Variants in CCDC91 observed in about 807,000 individuals in gnomAD.
CCDC91 encodes coiled-coil domain containing 91.
Under a neutral mutation model 63.2 loss-of-function variants are expected in CCDC91, and 48 were observed. That is an observed-to-expected ratio of 0.76 (90% CI 0.60 to 0.97). The LOEUF is 0.97. Ranked by LOEUF, CCDC91 falls within the 50% of genes least tolerant of loss-of-function variation. The pLI is 0.00. For synonymous variants in CCDC91, 167 were observed against 165.8 expected (o/e 1.01, Z -0.06); for missense variants, 500 against 494.6 (o/e 1.01, Z -0.10).
chr12:28,291,738 T>A (rs1052828228), intron 3 of CCDC91, among the ~76,000 whole-genome samples: 3 of 152,184 alleles, frequency 2.0e-5, no homozygotes, highest in Non-Finnish European at 4.4e-5. Flanking sequence ...AAAATGATGA[T>A]TTTTTTGATT....
At chr12:28,323,593 C>T (rs1415706791) in intron 6 of CCDC91, among the ~76,000 whole-genome samples, 4 of 151,922 alleles carry the variant, frequency 2.6e-5, no homozygotes, top group Admixed American at 6.6e-5. Context: ...TTGCCTGTTA[C>T]TCTTAACAGT....
intron 6 of CCDC91, among the ~76,000 whole-genome samples, chr12:28,355,798 T>C (rs1367234331): frequency 2.0e-5 from 3 of 152,150 alleles, no homozygotes; most frequent in Non-Finnish European, 4.4e-5. Context: ...GCAAAGCTGA[T>C]GGCTTTGGAA....
intron 3 of CCDC91, among the ~76,000 whole-genome samples, chr12:28,262,380 A>C (rs1321774490): frequency 1.3e-5 from 2 of 152,166 alleles, no homozygotes; most frequent in East Asian, 3.9e-4. Context: ...AAAAATCTTC[A>C]TTCTTGGGGT....
At chr12:28,509,712 G>A (rs538155656) in intron 12 of CCDC91, among the ~76,000 whole-genome samples, 29 of 151,926 alleles carry the variant, frequency 1.9e-4, no homozygotes, top group African/African-American at 6.5e-4. Context: ...GGTACTATTC[G>A]AATGAAAATA....
chr12:28,449,111 C>T (rs1780790818), intron 8 of CCDC91, among the ~76,000 whole-genome samples: 1 of 151,962 alleles, frequency 6.6e-6, no homozygotes, highest in African/African-American at 2.4e-5. Context: ...ATTTTACTTA[C>T]TCTCTTGAAA....
At chr12:28,428,080 C>G (rs1175837797) in intron 8 of CCDC91, among the ~76,000 whole-genome samples, 1 of 152,092 alleles carries the variant, frequency 6.6e-6, no homozygotes, top group Non-Finnish European at 1.5e-5. Flanking sequence ...TGTTATTTAT[C>G]AAGCAATCTG....
intron 1 of CCDC91, among the ~76,000 whole-genome samples, chr12:28,197,259 G>A (rs1385708145): frequency 1.3e-5 from 2 of 152,012 alleles, no homozygotes; most frequent in African/African-American, 4.8e-5. Flanking sequence ...CAGAAACAGA[G>A]TTCCTTAGAA....
At chr12:28,407,945 T>C in intron 8 of CCDC91, among the ~76,000 whole-genome samples, 1 of 31,472 alleles carries the variant, frequency 3.2e-5, no homozygotes, top group East Asian at 6.3e-3. Context: ...TATACATAGA[T>C]ATATACATAT....
chr12:28,223,934 C>T (rs1378327754), intron 1 of CCDC91, among the ~76,000 whole-genome samples: 1 of 152,058 alleles, frequency 6.6e-6, no homozygotes, highest in Non-Finnish European at 1.5e-5. Context: ...TGCAGTGTTT[C>T]CTTGGTAGTT....
At chr12:28,322,442 T>C (rs1466308004) in intron 6 of CCDC91, among the ~76,000 whole-genome samples, 1 of 151,960 alleles carries the variant, frequency 6.6e-6, no homozygotes, top group Non-Finnish European at 1.5e-5. Flanking sequence ...TTTTAATTTC[T>C]TGAAACCTTT....
intron 6 of CCDC91, among the ~76,000 whole-genome samples, chr12:28,359,287 A>G (rs1943722389): frequency 6.6e-6 from 1 of 152,236 alleles, no homozygotes; most frequent in South Asian, 2.1e-4. Flanking sequence ...TCGATATTGA[A>G]TGATTACACT....
At chr12:28,432,362 G>A (rs766061796) in intron 8 of CCDC91, among the ~76,000 whole-genome samples, 3 of 152,012 alleles carry the variant, frequency 2.0e-5, no homozygotes, top group Non-Finnish European at 2.9e-5. Flanking sequence ...GGAAGTGTTT[G>A]GTTTATGAGG....
intron 11 of CCDC91, among the ~76,000 whole-genome samples, chr12:28,480,102 C>T (rs1342026356): frequency 6.6e-6 from 1 of 151,982 alleles, no homozygotes; most frequent in East Asian, 1.9e-4. Flanking sequence ...TCATCTGTAG[C>T]CAGAAGCCTG....
chr12:28,442,856 T>G (rs997828190), intron 8 of CCDC91, among the ~76,000 whole-genome samples: 9 of 152,100 alleles, frequency 5.9e-5, no homozygotes, highest in Non-Finnish European at 7.4e-5. Flanking sequence ...GTTTGTTTGT[T>G]TGTTTTCATG....
rs181175351 is a variant in CCDC91, at chr12:28,293,143, T to A, written c.110-12506T>A. ...ATTATAAAAAGATTAACAGCAAGAG[T>A]GTCTTGGGCATATAGATAGAAAATA... On this transcript the variant is annotated intron_variant, in intron 3 of 12. Transcript: ENST00000536442. Among the ~76,000 whole-genome samples, 398 of 151,998 alleles carry A rather than the reference T, an allele frequency of 2.6e-3. 4 individuals are homozygous for A. Among genetic ancestry groups the A allele is most frequent in the Non-Finnish European group, 3.7e-3 (252 of 67,974 alleles).
At chr12:28,389,913 T>G (rs1945830771) in intron 7 of CCDC91, among the ~76,000 whole-genome samples, 1 of 152,148 alleles carries the variant, frequency 6.6e-6, no homozygotes, top group Non-Finnish European at 1.5e-5. Context: ...TCTAGTCACA[T>G]TTTAAAAGGA....
chr12:28,491,867 G>GTT (rs768659375), intron 12 of CCDC91, among the ~76,000 whole-genome samples: 6 of 63,230 alleles, frequency 9.5e-5, no homozygotes, highest in African/African-American at 5.3e-4. Flanking sequence ...AATTTTGTGT[G>GTT]TGTGTGTGTG....
chr12:28,317,521 G>C lies in CCDC91; in HGVS notation c.576+9772G>C, dbSNP rs141716782. Among the ~76,000 whole-genome samples the C allele has an allele frequency of 8.4e-4, 128 of 151,982 alleles. 3 individuals are homozygous for C. The highest frequency in any genetic ancestry group is 3.0e-3 in the African/African-American group (123 of 41,516). ...TGTTATTAAGCACTTACGGGTGTCTGTGTCTCTAAGAATTGTTGAAATGAA... is the reference window on the plus strand; with the variant it reads ...TGTTATTAAGCACTTACGGGTGTCTCTGTCTCTAAGAATTGTTGAAATGAA... On this transcript the variant is annotated intron_variant, in intron 6 of 12. Transcript: ENST00000536442.
intron 11 of CCDC91, among the ~76,000 whole-genome samples, chr12:28,482,370 T>C (rs568349384): frequency 3.9e-5 from 6 of 151,900 alleles, no homozygotes; most frequent in Non-Finnish European, 8.8e-5. Context: ...ACTCTATCAA[T>C]GGAACCAACA....
Sources: allele counts gnomAD v4.1 joint callset (sites outside exome capture counted in the v4.1 genomes callset), GRCh38; gene constraint gnomAD v4.1.1; transcripts MANE v1.5; gene names NCBI Gene and HGNC (gene_info 2026-07-23, HGNC 2026-07-21).